Variants in DPYSL5 observed in about 807,000 individuals in gnomAD.
The protein encoded by DPYSL5 is dihydropyrimidinase like 5.
A neutral mutation model predicts 58.4 loss-of-function variants in DPYSL5; 9 were observed. That is an observed-to-expected ratio of 0.15 (90% CI 0.09 to 0.27). DPYSL5 has a LOEUF of 0.27. Among genes scored for constraint, DPYSL5 ranks in the 10% least tolerant of loss-of-function variants. The pLI is 1.00. For missense variants in DPYSL5, 499 were observed against 770.6 expected, an observed-to-expected ratio of 0.65 and a Z score of 4.17; for synonymous variants, 293 against 301.9, an observed-to-expected ratio of 0.97 and a Z score of 0.31.
In DPYSL5 at chr2:26,944,692, C is replaced by G. The variant is rs1347476364; in HGVS notation, c.1477C>G (p.Leu493Val). 6.2e-7 allele frequency: 1 copy of G among 1,614,132 alleles called. No individual in the cohort carries two copies. Among genetic ancestry groups the G allele is most frequent in the Admixed American group, 1.7e-5 (1 of 60,016 alleles). The change falls in exon 12 of 13, where the codon CTG becomes GTG. Residue 493 changes from leucine to valine, a missense_variant. Leu to Val is a conservative substitution (Grantham distance 32). Coordinates refer to ENST00000288699, the MANE Select transcript of DPYSL5 (RefSeq NM_020134.4). The surrounding 1 kb of genome is among the most constrained non-coding windows in gnomAD (Gnocchi z 4.4). ...KVRGVDRTPY[L>V]GDVAVVVHPG... is the part of the protein sequence containing the mutation. ...TAGAGGAGTGGACCGCACTCCCTAC[C>G]TGGGGGATGTCGCTGTTGTCGTGCA...
At position 26,946,986 on chromosome 2, in the gene DPYSL5, C is replaced by T. The variant is rs1479461728; in HGVS notation, c.1686C>T (p.Gly562=). 2.5e-6 allele frequency: 4 copies of T among 1,613,054 alleles called. No homozygotes were observed. Among genetic ancestry groups the T allele is most frequent in the Non-Finnish European group, 3.4e-6 (4 of 1,179,196 alleles). The stretch of plus-strand genomic sequence containing the variant: ...CTCCTCCCGGAGGCAGGTCGAGTGG[C>T]ATTTGGTAAAGGCATTGCCAAGCCC... ...ILAPPGGRSS[G]IW Residue 562 remains glycine (G), a synonymous_variant, in exon 13 of 13, where the codon GGC becomes GGT. Coordinates refer to ENST00000288699, the MANE Select transcript of DPYSL5 (RefSeq NM_020134.4).
At chr2:26,932,784 AC>A (rs1665064569) in intron 6 of DPYSL5, among the ~76,000 whole-genome samples, 1 of 151,692 alleles carries the variant, frequency 6.6e-6, no homozygotes, top group Non-Finnish European at 1.5e-5. Context: ...CTGAACCCTA[AC>A]CCCCTTGTAT....
chr2:26,939,956 T>A, intron 8 of DPYSL5, 75 bp from the exon 9 acceptor site: 1 of 1,580,014 alleles, frequency 6.3e-7, no homozygotes, highest in South Asian at 1.1e-5. Context: ...CGGAGGATTT[T>A]CCCTATATCT....
chr2:26,911,936 G>C (rs545477654), intron 2 of DPYSL5, among the ~76,000 whole-genome samples: 1 of 152,336 alleles, frequency 6.6e-6, no homozygotes, highest in East Asian at 1.9e-4. Context: ...TTTCCCACCA[G>C]GTGGAAAATA....
At chr2:26,887,500 C>T (rs1663749860) in intron 1 of DPYSL5, among the ~76,000 whole-genome samples, 1 of 152,196 alleles carries the variant, frequency 6.6e-6, no homozygotes, top group Admixed American at 6.5e-5. Context: ...CAGTGTTGGG[C>T]TTGGCATTTC....
intron 1 of DPYSL5, among the ~76,000 whole-genome samples, chr2:26,896,125 G>A (rs1216369816): frequency 1.3e-5 from 2 of 152,124 alleles, no homozygotes; most frequent in African/African-American, 4.8e-5. Context: ...CCACGTAGGA[G>A]TGAGAGCATG....
intron 1 of DPYSL5, among the ~76,000 whole-genome samples, chr2:26,895,030 A>G (rs530470504): frequency 2.0e-5 from 3 of 152,356 alleles, no homozygotes; most frequent in African/African-American, 7.2e-5. Flanking sequence ...ATGAATATCC[A>G]ACACCAATTG....
At chr2:26,945,613 T>G (rs985267385) in intron 12 of DPYSL5, among the ~76,000 whole-genome samples, 4 of 151,082 alleles carry the variant, frequency 2.6e-5, no homozygotes, top group Non-Finnish European at 5.9e-5. Context: ...TCCAGGTGGC[T>G]TAGGTGGGAA....
At chr2:26,930,758 A>T (rs1225231865) in intron 5 of DPYSL5, among the ~76,000 whole-genome samples, 1 of 152,082 alleles carries the variant, frequency 6.6e-6, no homozygotes. Flanking sequence ...GCAGATCACG[A>T]GGTCAGGAGA....
Position 26,933,258 on chromosome 2 carries a change from A to C in DPYSL5, c.715A>C (p.Thr239Pro). Residue 239 changes from threonine to proline, a missense_variant and splice_region_variant, in exon 7 of 13, where the codon ACT (threonine) becomes CCT (proline). By Grantham distance (38) the Thr-to-Pro change is conservative. This residue lies in a region of DPYSL5 where 404 missense variants were observed against 647.6 expected (regional missense o/e 0.62). Transcript: ENST00000288699. The surrounding 1 kb of genome is among the most constrained non-coding windows in gnomAD (Gnocchi z 4.2). The part of the protein sequence containing the change: ...THRVITIANR[T>P]HCPIYLVNVS... ...ACTTCCCACTGTTTCTTGTGTTTAG[A>C]CTCACTGTCCAATCTACCTGGTCAA... 1.2e-6 allele frequency: 2 copies of C among 1,613,664 alleles called. No homozygotes were observed. Among genetic ancestry groups the C allele is most frequent in the Non-Finnish European group, 1.7e-6 (2 of 1,179,816 alleles).
In DPYSL5 at chr2:26,942,733, C is replaced by A. The variant is rs780872560; in HGVS notation, c.1423C>A (p.Leu475Met). Reference sequence around the variant, plus strand: ...CTTCCCAGACACTGTCTACAAGAAGCTGGTCCAGAGAGAGAAGGTGAGGTG... The same window carrying A: ...CTTCCCAGACACTGTCTACAAGAAGATGGTCCAGAGAGAGAAGGTGAGGTG... ...RSFPDTVYKK[L>M]VQREKTLKVR... The change falls in exon 11 of 13, where the codon CTG (leucine) becomes ATG (methionine). Residue 475 changes from leucine to methionine, a missense_variant. By Grantham distance (15) the Leu-to-Met change is conservative (BLOSUM62 2). Coordinates refer to ENST00000288699, the MANE Select transcript of DPYSL5 (RefSeq NM_020134.4). The surrounding 1 kb of genome is among the most constrained non-coding windows in gnomAD (Gnocchi z 5.9). 1 of 1,614,056 alleles carries A rather than the reference C, an allele frequency of 6.2e-7. No individual in the cohort carries two copies. Among genetic ancestry groups the A allele is most frequent in the Non-Finnish European group, 8.5e-7 (1 of 1,179,994 alleles).
intron 1 of DPYSL5, among the ~76,000 whole-genome samples, chr2:26,860,086 G>A (rs1386447649): frequency 6.6e-6 from 1 of 152,220 alleles, no homozygotes; most frequent in Non-Finnish European, 1.5e-5. Context: ...CTAAAGGGAT[G>A]CTAATATCGT....
chr2:26,932,177 A>AAGAC lies in DPYSL5; in HGVS notation c.714+496_714+497insCAGA, dbSNP rs1558351497. The stretch of plus-strand genomic sequence containing the variant: ...AAAGAAAGAAAGAAAGAAAGAAAGA[A>AAGAC]AGAAAGAAAGAAAGAAAGAAAGAAA... On this transcript the variant is annotated intron_variant, in intron 6 of 12. Transcript: ENST00000288699. 8.9e-4 allele frequency among the ~76,000 whole-genome samples: 70 copies of AAGAC among 78,594 alleles called. 2 individuals carry two copies. The highest frequency in any genetic ancestry group is 2.7e-3 in the African/African-American group (56 of 20,734). 51.6% of individuals were successfully genotyped at this position (78,594 alleles called of 152,430 possible). A position where few individuals can be genotyped will look rare whatever the true frequency, so the allele number is the denominator to read the frequency against.
chr2:26,912,662 T>A (rs1440706476), intron 2 of DPYSL5, among the ~76,000 whole-genome samples: 1 of 152,212 alleles, frequency 6.6e-6, no homozygotes, highest in African/African-American at 2.4e-5. Context: ...AAACCGCATG[T>A]CGGGAGCCAG....
chr2:26,892,563 A>G (rs1558334639), intron 1 of DPYSL5, among the ~76,000 whole-genome samples: 1 of 152,020 alleles, frequency 6.6e-6, no homozygotes, highest in African/African-American at 2.4e-5. Flanking sequence ...TAAGCCAGAC[A>G]TGGTGGCATG....
rs149642423 is a variant in DPYSL5 at position 26,932,048 on chromosome 2, G to GGAAAGAAAGAAA, written c.714+389_714+400dup. 2.4e-3 allele frequency among the ~76,000 whole-genome samples: 115 copies of GGAAAGAAAGAAA among 47,628 alleles called. 8 individuals carry two copies. Among genetic ancestry groups the GGAAAGAAAGAAA allele is most frequent in the African/African-American group, 0.011 (110 of 9,974 alleles). The allele number at this position is 47,628 out of a possible 152,430, so 31.2% of individuals were successfully genotyped here. A position where few individuals can be genotyped will look rare whatever the true frequency, so the allele number is the denominator to read the frequency against. On this transcript the variant is annotated intron_variant, in intron 6 of 12. Transcript: ENST00000288699. ...AAAGAAAGAAAAGAAAAGAAAGAAA[G>GGAAAGAAAGAAA]GAAAGAAAGAAAGAAAGAAAGAAAG...
chr2:26,904,296 G>T (rs970507377), intron 2 of DPYSL5, among the ~76,000 whole-genome samples: 2 of 152,206 alleles, frequency 1.3e-5, no homozygotes, highest in Non-Finnish European at 2.9e-5. Flanking sequence ...CTGTTTGTCC[G>T]CTTGGCAGGT....
intron 2 of DPYSL5, among the ~76,000 whole-genome samples, chr2:26,912,317 G>T (rs1225522785): frequency 6.6e-6 from 1 of 152,228 alleles, no homozygotes; most frequent in South Asian, 2.1e-4. Flanking sequence ...CATTTCCAGG[G>T]CGGCCTCTCG....
chr2:26,894,701 T>G (rs901957177), intron 1 of DPYSL5, among the ~76,000 whole-genome samples: 22 of 152,220 alleles, frequency 1.4e-4, no homozygotes, highest in African/African-American at 5.3e-4. Context: ...AAATTGATAC[T>G]TTCCCTCAGC....
Sources: allele counts gnomAD v4.1 joint callset (sites outside exome capture counted in the v4.1 genomes callset), GRCh38; gene constraint gnomAD v4.1.1; regional missense constraint gnomAD v4.1.1; non-coding constraint Gnocchi (gnomAD v3.1); transcripts MANE v1.5; gene names NCBI Gene and HGNC (gene_info 2026-07-23, HGNC 2026-07-21).